The following PIK3C3 variants were observed in gnomAD, a reference collection of about 807,000 sequenced individuals.
PIK3C3 encodes the protein phosphatidylinositol 3-kinase catalytic subunit type 3.
A neutral mutation model predicts 126.1 loss-of-function variants in PIK3C3; 95 were observed. That is an observed-to-expected ratio of 0.75 (90% CI 0.64 to 0.89). PIK3C3 has a LOEUF of 0.89. PIK3C3 is among the 40% of genes least tolerant of loss of function. PIK3C3 has a pLI of 0.00. For missense variants in PIK3C3, 829 were observed against 1,063.2 expected (o/e 0.78, Z 3.06); for synonymous variants, 374 against 360.0 (o/e 1.04, Z -0.44).
chr18:42,029,190 A>T, intron 14 of PIK3C3, 135 bp from the exon 15 acceptor site: 1 of 598,500 alleles, frequency 1.7e-6, no homozygotes, highest in Non-Finnish European at 3.1e-6. Context: ...TTGAATCAAG[A>T]TAATCTTTTT....
At chr18:41,964,346 T>A (rs1980249224) in intron 3 of PIK3C3, among the ~76,000 whole-genome samples, 1 of 152,166 alleles carries the variant, frequency 6.6e-6, no homozygotes, top group Non-Finnish European at 1.5e-5. Context: ...TTGTAGATTA[T>A]CTGGCTTCAA....
chr18:42,017,682 T>C (rs1983136386), intron 12 of PIK3C3, among the ~76,000 whole-genome samples: 1 of 152,130 alleles, frequency 6.6e-6, no homozygotes, highest in African/African-American at 2.4e-5. Flanking sequence ...TATCTAATAA[T>C]GCTTTTCATC....
chr18:41,987,838 C>G lies in PIK3C3; in HGVS notation c.558C>G (p.His186Gln). The G allele has an allele frequency of 6.2e-7, 1 of 1,607,770 alleles. No individual in the cohort carries two copies. The change falls in exon 5 of 25, where the codon CAC becomes CAG. Residue 186 changes from histidine to glutamine, a missense_variant. This residue lies in a region of PIK3C3 where 313 missense variants were observed against 340.7 expected (regional missense o/e 0.92). Transcript: ENST00000262039. ...AKLTKAHRQG[H>Q]MVKVDWLDRL... ...TCACCAAAGCTCATCGACAAGGACACATGGTGAAAGTAGATTGGCTGGATA... is the reference window on the plus strand; with the variant it reads ...TCACCAAAGCTCATCGACAAGGACAGATGGTGAAAGTAGATTGGCTGGATA...
At chr18:42,048,347 A>G (rs960267373) in intron 20 of PIK3C3, among the ~76,000 whole-genome samples, 8 of 152,206 alleles carry the variant, frequency 5.3e-5, no homozygotes, top group Non-Finnish European at 1.2e-4. Flanking sequence ...CTAGACAGGA[A>G]GGAGAAAAGG....
At chr18:42,020,295 G>A (rs1415298344) in intron 12 of PIK3C3, among the ~76,000 whole-genome samples, 4 of 152,008 alleles carry the variant, frequency 2.6e-5, no homozygotes, top group East Asian at 1.9e-4. Flanking sequence ...GAGCTTTCCA[G>A]TGTCATTTTG....
intron 1 of PIK3C3, among the ~76,000 whole-genome samples, chr18:41,956,947 C>T (rs1979807751): frequency 2.0e-5 from 3 of 152,100 alleles, no homozygotes; most frequent in Non-Finnish European, 4.4e-5. Context: ...AATGTTCCTC[C>T]CTCTGTGATA....
At chr18:41,994,047 C>G (rs1317332954) in intron 7 of PIK3C3, among the ~76,000 whole-genome samples, 1 of 152,074 alleles carries the variant, frequency 6.6e-6, no homozygotes, top group Non-Finnish European at 1.5e-5. Context: ...TTATACATTT[C>G]TAATTAGATT....
chr18:41,987,281 C>T (rs916169913), intron 4 of PIK3C3, among the ~76,000 whole-genome samples: 2 of 151,966 alleles, frequency 1.3e-5, no homozygotes, highest in Non-Finnish European at 2.9e-5. Context: ...AGGACTCTAC[C>T]AACTGCTATT....
chr18:42,036,987 AAAAT>A (rs1442838274), intron 16 of PIK3C3, among the ~76,000 whole-genome samples: 1 of 152,228 alleles, frequency 6.6e-6, no homozygotes, highest in African/African-American at 2.4e-5. Flanking sequence ...AATATTGTGT[AAAAT>A]TACTTTCAGT....
intron 24 of PIK3C3, among the ~76,000 whole-genome samples, chr18:42,070,102 C>T (rs1985713931): frequency 1.3e-5 from 2 of 152,204 alleles, no homozygotes; most frequent in African/African-American, 2.4e-5. Context: ...TCTCTCTCCA[C>T]TTCCTCTGTC....
chr18:41,985,127 A>G (rs1378275548), intron 4 of PIK3C3: 2 of 152,152 alleles, frequency 1.3e-5, no homozygotes, highest in Non-Finnish European at 2.9e-5. Flanking sequence ...GCCAGCTTGG[A>G]TGTTCCAGCT....
rs1035869601 is a variant in PIK3C3, at chr18:42,083,504, T to C, written c.*2367T>C. Reference sequence around the variant, plus strand: ...GAAAAGTATGGTTAACATTGCCAAATAAAGGGTCATACAGCCTTGCTTTTT... The same window carrying C: ...GAAAAGTATGGTTAACATTGCCAAACAAAGGGTCATACAGCCTTGCTTTTT... On this transcript the variant is annotated 3_prime_UTR_variant, in exon 25 of 25. Coordinates refer to ENST00000262039, the MANE Select transcript of PIK3C3 (RefSeq NM_002647.4). 3 of 152,074 alleles carry C rather than the reference T, an allele frequency of 2.0e-5. No homozygotes were observed. The highest frequency in any genetic ancestry group is 2.9e-5 in the Non-Finnish European group (2 of 68,012). The allele number at this position is 152,074 out of a possible 1,614,324, so 9.4% of individuals were successfully genotyped here. A position where few individuals can be genotyped will look rare whatever the true frequency, so the allele number is the denominator to read the frequency against.
At position 41,995,904 on chromosome 18, in the gene PIK3C3, G is replaced by C; in HGVS notation, c.801G>C (p.Glu267Asp). The C allele has an allele frequency of 6.2e-7, 1 of 1,611,420 alleles. No individual in the cohort carries two copies. Among genetic ancestry groups the C allele is most frequent in the Non-Finnish European group, 8.5e-7 (1 of 1,177,952 alleles). ...DPQMSMENLV[E>D]SKHHKLARSL... The stretch of plus-strand genomic sequence containing the variant: ...ATAATTTGTAGGAGAATTTAGTTGA[G>C]AGCAAACACCACAAGCTTGCCCGGA... Residue 267 changes from glutamate (E) to aspartate (D), a missense_variant, in exon 8 of 25, where the codon GAG becomes GAC. Transcript: ENST00000262039.
At chr18:42,044,474 G>T (rs1482856946) in intron 20 of PIK3C3, among the ~76,000 whole-genome samples, 1 of 151,702 alleles carries the variant, frequency 6.6e-6, no homozygotes, top group African/African-American at 2.4e-5. Context: ...GTGCAGTGGC[G>T]CAATCACAGC....
At chr18:42,030,197 C>T (rs1376651916) in intron 15 of PIK3C3, among the ~76,000 whole-genome samples, 1 of 152,070 alleles carries the variant, frequency 6.6e-6, no homozygotes, top group Non-Finnish European at 1.5e-5. Flanking sequence ...AACAAAAGTC[C>T]AGATTGACTT....
intron 3 of PIK3C3, among the ~76,000 whole-genome samples, chr18:41,965,426 T>G (rs1207301841): frequency 6.6e-6 from 1 of 152,218 alleles, no homozygotes; most frequent in Non-Finnish European, 1.5e-5. Flanking sequence ...AGATTGATTT[T>G]TGGTACTGTT....
intron 24 of PIK3C3, among the ~76,000 whole-genome samples, chr18:42,070,785 C>T (rs572831652): frequency 6.6e-6 from 1 of 152,280 alleles, no homozygotes; most frequent in South Asian, 2.1e-4. Context: ...GGGATGGTTA[C>T]ATTGTGAAAG....
At chr18:42,021,383 A>T (rs1024592436) in intron 13 of PIK3C3, among the ~76,000 whole-genome samples, 17 of 152,178 alleles carry the variant, frequency 1.1e-4, no homozygotes, top group African/African-American at 3.9e-4. Flanking sequence ...TATTTGCCCC[A>T]GAATCCTGAA....
intron 15 of PIK3C3, among the ~76,000 whole-genome samples, chr18:42,031,413 C>CT (rs1267712560): frequency 6.6e-6 from 1 of 151,980 alleles, no homozygotes; most frequent in African/African-American, 2.4e-5. Context: ...AATAAAATGC[C>CT]TTTTTCATCT....
Sources: gnomAD v4.1 joint callset for allele counts (sites outside exome capture counted in the v4.1 genomes callset) on GRCh38, gnomAD v4.1.1 for gene constraint, gnomAD v4.1.1 regional missense constraint, MANE v1.5 for transcripts, NCBI Gene and HGNC (gene_info 2026-07-23, HGNC 2026-07-21) for gene names.